Variants in RGS6 observed in about 807,000 individuals in gnomAD.
RGS6 encodes the protein regulator of G-protein signaling 6.
A neutral mutation model predicts 78.5 loss-of-function variants in RGS6; 30 were observed. The observed-to-expected ratio is 0.38, with a 90% confidence interval of 0.29 to 0.52. RGS6 has a LOEUF of 0.52. Ranked by LOEUF, RGS6 falls within the 20% of genes least tolerant of loss-of-function variation. The pLI is 0.85. For synonymous variants in RGS6, 206 were observed against 206.0 expected, an observed-to-expected ratio of 1.00 and a Z score of 0.00; for missense variants, 495 against 609.7, an observed-to-expected ratio of 0.81 and a Z score of 1.98.
intron 2 of RGS6, among the ~76,000 whole-genome samples, chr14:72,115,101 A>C (rs988800991): frequency 6.6e-6 from 1 of 152,172 alleles, no homozygotes; most frequent in Non-Finnish European, 1.5e-5. Flanking sequence ...CTTGGATCTC[A>C]GTTATGTGGC....
chr14:72,530,515 C>A (rs1309388670), intron 15 of RGS6, among the ~76,000 whole-genome samples: 2 of 152,082 alleles, frequency 1.3e-5, no homozygotes, highest in African/African-American at 4.8e-5. Flanking sequence ...TGGTGAAACA[C>A]CGTCTCTACT....
the RGS6 span, among the ~76,000 whole-genome samples, chr14:72,600,454 C>T: frequency 5.3e-5 from 8 of 151,990 alleles, no homozygotes; most frequent in South Asian, 4.2e-4. Flanking sequence ...CAGGAAGTCA[C>T]GCCCCCTCTC....
chr14:72,589,436 G>A, the RGS6 span, among the ~76,000 whole-genome samples: 1 of 152,320 alleles, frequency 6.6e-6, no homozygotes, highest in Non-Finnish European at 1.5e-5. Flanking sequence ...TGTAATCCCA[G>A]CTACTCAGGA....
chr14:72,560,796 A>ATGTGTG (rs2097662486), intron 17 of RGS6, among the ~76,000 whole-genome samples: 1 of 83,314 alleles, frequency 1.2e-5, no homozygotes, highest in South Asian at 5.1e-4. Flanking sequence ...GATTTTGTGG[A>ATGTGTG]CGTGTGTGTG....
intron 2 of RGS6, among the ~76,000 whole-genome samples, chr14:72,277,126 C>T (rs966392118): frequency 1.3e-5 from 2 of 152,178 alleles, no homozygotes; most frequent in South Asian, 4.1e-4. Context: ...CTCAACACTG[C>T]AAGTGGTGGC....
intron 2 of RGS6, among the ~76,000 whole-genome samples, chr14:72,348,064 G>A (rs17111047): frequency 3.3e-5 from 5 of 152,190 alleles, no homozygotes; most frequent in South Asian, 2.1e-4. Flanking sequence ...ATGGCGCTGC[G>A]AGAAGTTTCC....
intron 15 of RGS6, among the ~76,000 whole-genome samples, chr14:72,522,409 G>A (rs960882000): frequency 2.0e-5 from 3 of 152,180 alleles, no homozygotes; most frequent in Non-Finnish European, 4.4e-5. Flanking sequence ...ACAACAGGGC[G>A]ATTTTGCAAA....
At chr14:72,354,380 C>T (rs1028984640) in intron 3 of RGS6, among the ~76,000 whole-genome samples, 1 of 151,158 alleles carries the variant, frequency 6.6e-6, no homozygotes, top group African/African-American at 2.4e-5. Context: ...AATCCCAGCA[C>T]TTTGGGAGGC....
intron 2 of RGS6, among the ~76,000 whole-genome samples, chr14:72,127,013 GA>G (rs921064433): frequency 6.6e-6 from 1 of 151,766 alleles, no homozygotes; most frequent in African/African-American, 2.4e-5. Context: ...TTACTTGGGA[GA>G]AAAAAAATTG....
At chr14:72,234,755 G>A (rs1313552397) in intron 2 of RGS6, among the ~76,000 whole-genome samples, 1 of 152,060 alleles carries the variant, frequency 6.6e-6, no homozygotes, top group African/African-American at 2.4e-5. Flanking sequence ...CCTTTCTTTA[G>A]ACATTTTCCT....
At chr14:71,867,753 AATAG>A in the RGS6 span, among the ~76,000 whole-genome samples, 2 of 152,180 alleles carry the variant, frequency 1.3e-5, no homozygotes. Context: ...AGGTACAGAA[AATAG>A]ATAGATTTTA....
intron 2 of RGS6, among the ~76,000 whole-genome samples, chr14:72,344,023 A>G (rs1371011376): frequency 1.3e-5 from 2 of 152,200 alleles, no homozygotes; most frequent in South Asian, 2.1e-4. Flanking sequence ...GACTTGCTCC[A>G]CTTACATTGC....
At chr14:72,380,765 TC>T (rs1010576802) in intron 3 of RGS6, among the ~76,000 whole-genome samples, 1 of 152,090 alleles carries the variant, frequency 6.6e-6, no homozygotes, top group African/African-American at 2.4e-5. Flanking sequence ...GTATGGAGGT[TC>T]CTCAAAACAC....
intron 2 of RGS6, among the ~76,000 whole-genome samples, chr14:71,984,484 G>GACAAAAAAAA (rs1387751061): frequency 8.5e-6 from 1 of 117,434 alleles, no homozygotes; most frequent in Non-Finnish European, 1.6e-5. Flanking sequence ...GTCTCAAAAA[G>GACAAAAAAAA]AAAAAAAAAA....
intron 2 of RGS6, among the ~76,000 whole-genome samples, chr14:72,340,974 C>T (rs2079504): frequency 0.46 from 70,245 of 151,908 alleles, 16,552 homozygotes; most frequent in South Asian, 0.6. Context: ...GCTCTCGTGA[C>T]TGGAGCAGAG....
chr14:72,614,150 T>C, the RGS6 span, among the ~76,000 whole-genome samples: 1 of 152,092 alleles, frequency 6.6e-6, no homozygotes, highest in African/African-American at 2.4e-5. Flanking sequence ...CAGAGAATCA[T>C]AAGCAGACTC....
intron 2 of RGS6, among the ~76,000 whole-genome samples, chr14:72,322,822 G>A (rs966718286): frequency 2.0e-5 from 3 of 152,028 alleles, no homozygotes; most frequent in Admixed American, 1.3e-4. Flanking sequence ...TTGAACAGGT[G>A]TTTGATAAAA....
Position 72,331,806 on chromosome 14 carries a change from A to G in RGS6, c.85-20289A>G, listed in dbSNP as rs970125166. On this transcript the variant is annotated intron_variant, in intron 2 of 17. Transcript: ENST00000553525. ...GGAGTGGCCAATTCATTTTCGTAAC[A>G]AACACCCAATTTTGTTTTTCTCCGT... is the stretch of plus-strand genomic sequence containing the variant. Among the ~76,000 whole-genome samples, 5 of 152,236 alleles carry G rather than the reference A, an allele frequency of 3.3e-5. No homozygotes were observed. In the East Asian group the frequency reaches 7.7e-4, roughly 24 times the overall value.
rs747077409 is a variant in RGS6 at position 72,391,596 on chromosome 14, C to CAT, written c.184+39407_184+39408dup. ...TCCTTTATCCATTTAACATCTGTTACATATATGTATATACACACACACTTT... is the reference window on the plus strand; with the variant it reads ...TCCTTTATCCATTTAACATCTGTTACATATATATGTATATACACACACACTTT... On this transcript the variant is annotated intron_variant, in intron 3 of 17. Transcript: ENST00000553525. Among the ~76,000 whole-genome samples the CAT allele has an allele frequency of 1.7e-3, 256 of 152,192 alleles. 1 individual carries two copies. Among genetic ancestry groups the CAT allele is most frequent in the African/African-American group, 5.6e-3 (232 of 41,514 alleles).
Sources: gnomAD v4.1 joint callset for allele counts (sites outside exome capture counted in the v4.1 genomes callset) on GRCh38, gnomAD v4.1.1 for gene constraint, MANE v1.5 for transcripts, NCBI Gene and HGNC (gene_info 2026-07-23, HGNC 2026-07-21) for gene names.